NBDY: variants seen among roughly 807,000 people sequenced by gnomAD.
NBDY encodes the protein P-body dissociating protein.
chrX:56,796,978 C>G (rs1602665699), intron 2 of NBDY, among the ~76,000 whole-genome samples: 1 of 111,603 alleles, frequency 9.0e-6, no homozygotes, highest in Non-Finnish European at 1.9e-5. Flanking sequence ...TCATGGACCT[C>G]CCACTTCCTA....
At chrX:56,739,717 A>G (rs2069522663) in intron 2 of NBDY, among the ~76,000 whole-genome samples, 1 of 110,983 alleles carries the variant, frequency 9.0e-6, no homozygotes, top group Admixed American at 9.6e-5. Flanking sequence ...TTACTTGGTT[A>G]ATGTGGTGAA....
At chrX:56,816,345 T>C (rs974389052) in intron 2 of NBDY, among the ~76,000 whole-genome samples, 7 of 111,782 alleles carry the variant, frequency 6.3e-5, no homozygotes, top group Non-Finnish European at 1.1e-4. Context: ...CTACTGTCTA[T>C]AAAATTGTAC....
chrX:56,783,045 G>A (rs2069704414), intron 2 of NBDY, among the ~76,000 whole-genome samples: 1 of 112,625 alleles, frequency 8.9e-6, no homozygotes, highest in Non-Finnish European at 1.9e-5. Context: ...AAGCATTATC[G>A]TACACAGACA....
At chrX:56,813,680 C>T (rs1181238631) in intron 2 of NBDY, among the ~76,000 whole-genome samples, 10 of 111,791 alleles carry the variant, frequency 8.9e-5, no homozygotes, top group African/African-American at 1.6e-4. Flanking sequence ...TCACCACTTG[C>T]GATGGGCATG....
chrX:56,764,137 G>C (rs1602657389), intron 2 of NBDY, among the ~76,000 whole-genome samples: 1 of 112,140 alleles, frequency 8.9e-6, no homozygotes, highest in African/African-American at 3.2e-5. Flanking sequence ...GGGCAGGTAG[G>C]GGCGACCCAC....
intron 2 of NBDY, among the ~76,000 whole-genome samples, chrX:56,765,793 C>T (rs2069662635): frequency 1.8e-5 from 2 of 110,216 alleles, no homozygotes; most frequent in African/African-American, 6.6e-5. Flanking sequence ...TCCTCCTCCC[C>T]CTCCCCCTGC....
At chrX:56,791,194 G>A (rs766482963) in intron 2 of NBDY, among the ~76,000 whole-genome samples, 4 of 111,971 alleles carry the variant, frequency 3.6e-5, no homozygotes, top group Non-Finnish European at 7.5e-5. Context: ...GTCCACTTTT[G>A]TTTGGCAAGG....
intron 2 of NBDY, among the ~76,000 whole-genome samples, chrX:56,764,837 G>A (rs2069657674): frequency 8.9e-6 from 1 of 111,744 alleles, no homozygotes; most frequent in Admixed American, 9.4e-5. Flanking sequence ...CAGGGAGCAG[G>A]GCAGCTTCCT....
At chrX:56,740,248 A>G (rs899882540) in intron 2 of NBDY, among the ~76,000 whole-genome samples, 4 of 111,569 alleles carry the variant, frequency 3.6e-5, no homozygotes, top group African/African-American at 9.8e-5. Context: ...GTTATCTTTT[A>G]TGGAGACAGT....
At chrX:56,803,424 C>A (rs1023783390) in intron 2 of NBDY, among the ~76,000 whole-genome samples, 1 of 111,663 alleles carries the variant, frequency 9.0e-6, no homozygotes, top group African/African-American at 3.3e-5. Flanking sequence ...TGTAAACGAC[C>A]CCAGTCTCGG....
At chrX:56,750,638 C>G (rs984547407) in intron 2 of NBDY, among the ~76,000 whole-genome samples, 56 of 111,346 alleles carry the variant, frequency 5.0e-4, no homozygotes, top group African/African-American at 1.6e-3. Context: ...GCACCACAAA[C>G]CTCTTTATTC....
At chrX:56,781,510 A>G (rs1157632223) in intron 2 of NBDY, among the ~76,000 whole-genome samples, 1 of 111,897 alleles carries the variant, frequency 8.9e-6, no homozygotes, top group Non-Finnish European at 1.9e-5. Context: ...AGGACACAGG[A>G]GGCTACTCAC....
chrX:56,756,350 C>T, intron 2 of NBDY, among the ~76,000 whole-genome samples: 1 of 106,927 alleles, frequency 9.4e-6, no homozygotes, highest in African/African-American at 3.4e-5. Flanking sequence ...ATTAATTTAT[C>T]CACAGCTAAA....
intron 2 of NBDY, among the ~76,000 whole-genome samples, chrX:56,806,575 G>C (rs2069851638): frequency 8.9e-6 from 1 of 112,414 alleles, no homozygotes; most frequent in Non-Finnish European, 1.9e-5. Context: ...GCCCAGTGAT[G>C]ATGAGCTTTT....
chrX:56,809,176 T>G (rs1195983531), intron 2 of NBDY, among the ~76,000 whole-genome samples: 1 of 112,034 alleles, frequency 8.9e-6, no homozygotes, highest in African/African-American at 3.3e-5. Context: ...TACTTCCAAT[T>G]ATTTGGTCAG....
At chrX:56,793,731 G>A (rs1257129333) in intron 2 of NBDY, among the ~76,000 whole-genome samples, 4 of 110,795 alleles carry the variant, frequency 3.6e-5, no homozygotes, top group South Asian at 3.8e-4. Flanking sequence ...CTGGCCCTTC[G>A]CCTGGGCTCA....
intron 2 of NBDY, among the ~76,000 whole-genome samples, chrX:56,810,717 T>C (rs1436204822): frequency 9.0e-6 from 1 of 110,653 alleles, no homozygotes; most frequent in Admixed American, 9.7e-5. Flanking sequence ...CTTGGAGGAG[T>C]TTGTTATTAC....
At chrX:56,749,769 A>C (rs1253228266) in intron 2 of NBDY, among the ~76,000 whole-genome samples, 2 of 108,883 alleles carry the variant, frequency 1.8e-5, no homozygotes, top group African/African-American at 3.4e-5. Flanking sequence ...CTCCTGCCTC[A>C]ACCCCCCAAG....
intron 2 of NBDY, among the ~76,000 whole-genome samples, chrX:56,791,169 C>T (rs183265094): frequency 9.8e-5 from 11 of 112,488 alleles, no homozygotes; most frequent in Non-Finnish European, 2.1e-4. Flanking sequence ...TTCTTCTTCA[C>T]TGTCTTTACG....
Sources: allele counts gnomAD v4.1 joint callset (sites outside exome capture counted in the v4.1 genomes callset), GRCh38; gene constraint gnomAD v4.1.1; transcripts MANE v1.5; gene names NCBI Gene and HGNC (gene_info 2026-07-23, HGNC 2026-07-21).